The following TLL1 variants were observed in gnomAD, a reference collection of about 807,000 sequenced individuals.
TLL1 encodes the protein tolloid-like protein 1.
A neutral mutation model predicts 128.2 loss-of-function variants in TLL1; 49 were observed. The ratio of observed to expected loss-of-function variants is 0.38; its 90% CI spans 0.30 to 0.48. The LOEUF (loss-of-function observed/expected upper bound fraction) is 0.48. Ranked by LOEUF, TLL1 falls within the 20% of genes least tolerant of loss-of-function variation. The pLI, the probability that TLL1 is intolerant of heterozygous loss-of-function variation, is 0.96. For synonymous variants in TLL1, 454 were observed against 418.8 expected, an observed-to-expected ratio of 1.08 and a Z score of -1.03; for missense variants, 1,123 against 1,242.0, an observed-to-expected ratio of 0.90 and a Z score of 1.44.
intron 9 of TLL1, among the ~76,000 whole-genome samples, chr4:166,035,248 T>G (rs1738947880): frequency 6.6e-6 from 1 of 152,204 alleles, no homozygotes; most frequent in South Asian, 2.1e-4. Context: ...CAGCTCTTGG[T>G]TTCCACCTGT....
chr4:166,082,704 G>T (rs1741340783), intron 18 of TLL1, among the ~76,000 whole-genome samples: 1 of 152,018 alleles, frequency 6.6e-6, no homozygotes, highest in Non-Finnish European at 1.5e-5. Context: ...TGGAGGTGGA[G>T]TCTCGCTCTG....
chr4:166,068,637 C>T (rs1185558847), intron 16 of TLL1, among the ~76,000 whole-genome samples: 1 of 151,812 alleles, frequency 6.6e-6, no homozygotes, highest in East Asian at 1.9e-4. Context: ...AATGACTATT[C>T]TATTTGCCCC....
chr4:165,978,970 A>C (rs1384968840), intron 1 of TLL1, among the ~76,000 whole-genome samples: 1 of 152,152 alleles, frequency 6.6e-6, no homozygotes, highest in African/African-American at 2.4e-5. Flanking sequence ...TGAAAGTTTG[A>C]GGTGATACTT....
chr4:166,004,210 G>A (rs979924599), intron 6 of TLL1, among the ~76,000 whole-genome samples: 11 of 152,004 alleles, frequency 7.2e-5, no homozygotes, highest in African/African-American at 7.2e-5. Flanking sequence ...TAACTTTTAC[G>A]TGCATAAAGA....
intron 1 of TLL1, among the ~76,000 whole-genome samples, chr4:165,944,078 T>G (rs1345656568): frequency 6.6e-6 from 1 of 152,280 alleles, no homozygotes; most frequent in African/African-American, 2.4e-5. Flanking sequence ...TTGAAGATGC[T>G]TTTATTATTG....
intron 1 of TLL1, among the ~76,000 whole-genome samples, chr4:165,963,909 A>T (rs1166685644): frequency 2.0e-5 from 3 of 152,288 alleles, no homozygotes; most frequent in Admixed American, 6.5e-5. Context: ...GTTATTAAAA[A>T]TTTCAGCAAT....
chr4:166,026,873 C>A (rs927241974), intron 9 of TLL1, among the ~76,000 whole-genome samples: 2 of 152,054 alleles, frequency 1.3e-5, no homozygotes, highest in African/African-American at 4.8e-5. Context: ...AACATTATAT[C>A]AATAACTTAA....
chr4:165,977,804 G>A (rs539565918), intron 1 of TLL1, among the ~76,000 whole-genome samples: 8 of 152,202 alleles, frequency 5.3e-5, no homozygotes, highest in African/African-American at 1.2e-4. Context: ...GGAATAGGTC[G>A]TTCACAAAAG....
rs1736781375 is a variant in TLL1, at chr4:165,994,547, A to G, written c.514+14A>G. On this transcript the variant is annotated intron_variant, in intron 4 of 20. Coordinates refer to ENST00000061240, the MANE Select transcript of TLL1 (RefSeq NM_012464.5). ...GAAACTTCACTGGTAAGATACTCCC[A>G]GCATGTCTGTTTTCATAAAGAAATA... 1.9e-6 allele frequency: 3 copies of G among 1,613,630 alleles called. No individual in the cohort carries two copies. The highest frequency in any genetic ancestry group is 2.5e-6 in the Non-Finnish European group (3 of 1,179,708).
intron 1 of TLL1, among the ~76,000 whole-genome samples, chr4:165,928,724 C>G (rs1434917082): frequency 1.3e-5 from 2 of 152,180 alleles, no homozygotes; most frequent in African/African-American, 4.8e-5. Context: ...TAGCTGTTCA[C>G]TCCTCTAGAG....
At chr4:166,007,922 T>C in intron 6 of TLL1, 21 bp from the exon 7 acceptor site, 1 of 1,525,084 alleles carries the variant, frequency 6.6e-7, no homozygotes, top group Non-Finnish European at 9.1e-7. Context: ...TTCTGAGATT[T>C]TGTTTATCCC....
intron 1 of TLL1, among the ~76,000 whole-genome samples, chr4:165,903,733 T>TCACACACACACACA (rs5863787): frequency 1.7e-4 from 24 of 144,802 alleles, no homozygotes; most frequent in South Asian, 4.6e-4. Context: ...TAAGTTCTTA[T>TCACACACACACACA]CACACACACA....
intron 1 of TLL1, among the ~76,000 whole-genome samples, chr4:165,909,985 C>A (rs1251780161): frequency 2.0e-5 from 3 of 151,988 alleles, no homozygotes; most frequent in African/African-American, 4.8e-5. Flanking sequence ...GAAACAGAGG[C>A]CAGAAGAAAC....
At chr4:166,093,709 A>G (rs1741890451) in intron 19 of TLL1, among the ~76,000 whole-genome samples, 1 of 152,072 alleles carries the variant, frequency 6.6e-6, no homozygotes, top group Non-Finnish European at 1.5e-5. Flanking sequence ...AGACTATCAC[A>G]TGGGGAGAAA....
intron 12 of TLL1, among the ~76,000 whole-genome samples, chr4:166,043,782 C>CT (rs199810877): frequency 0.015 from 2,287 of 149,950 alleles, 58 homozygotes; most frequent in African/African-American, 0.051. Context: ...GGTAGAAAGT[C>CT]TTTTTTGTAA....
chr4:165,883,846 C>T (rs1171595115), intron 1 of TLL1, among the ~76,000 whole-genome samples: 3 of 152,220 alleles, frequency 2.0e-5, no homozygotes, highest in Non-Finnish European at 4.4e-5. Flanking sequence ...AAACATTTTC[C>T]GTATGTTGTT....
chr4:166,059,982 G>T, intron 14 of TLL1, 46 bp from the exon 15 acceptor site: 1 of 1,608,898 alleles, frequency 6.2e-7, no homozygotes, highest in Non-Finnish European at 8.5e-7. Context: ...TAAGAAGTGG[G>T]TGACTTCATG....
chr4:165,899,330 A>G (rs1480884142), intron 1 of TLL1, among the ~76,000 whole-genome samples: 1 of 151,936 alleles, frequency 6.6e-6, no homozygotes, highest in Non-Finnish European at 1.5e-5. Flanking sequence ...TTGATTTTAG[A>G]TCTTTCCTGC....
rs553331527 is a variant in TLL1 at position 165,909,116 on chromosome 4, G to A, written c.169+35043G>A. Among the ~76,000 whole-genome samples the A allele has an allele frequency of 1.6e-3, 246 of 152,268 alleles. 1 individual carries two copies. The highest frequency in any genetic ancestry group is 2.5e-3 in the Admixed American group (39 of 15,300). On this transcript the variant is annotated intron_variant, in intron 1 of 20. Transcript: ENST00000061240. ...GCAGGACAACCACTTGAACCCAGAA[G>A]GCAGAGGTTTCAGTGAGCAGAGATC...
Sources: gnomAD v4.1 joint callset for allele counts (sites outside exome capture counted in the v4.1 genomes callset) on GRCh38, gnomAD v4.1.1 for gene constraint, MANE v1.5 for transcripts, NCBI Gene and HGNC (gene_info 2026-07-23, HGNC 2026-07-21) for gene names.